Variants in SORCS1 observed in about 807,000 individuals in gnomAD.
SORCS1 encodes sortilin related VPS10 domain containing receptor 1.
SORCS1 carries 60 observed loss-of-function variants against 146.1 expected under a neutral mutation model. The observed-to-expected ratio is 0.41, with a 90% CI of 0.33 to 0.51. SORCS1 has a LOEUF of 0.51. SORCS1 is among the 20% of genes least tolerant of loss of function. The probability of loss-of-function intolerance (pLI) is 0.21; values close to 1 mark genes in which losing one functional copy is unlikely to be tolerated. For synonymous variants in SORCS1, 637 were observed against 584.0 expected, an observed-to-expected ratio of 1.09 and a Z score of -1.31; for missense variants, 1,352 against 1,487.6, an observed-to-expected ratio of 0.91 and a Z score of 1.50.
chr10:106,751,690 G>C (rs1024299447), intron 5 of SORCS1, among the ~76,000 whole-genome samples: 2 of 152,118 alleles, frequency 1.3e-5, no homozygotes, highest in Non-Finnish European at 2.9e-5. Flanking sequence ...GCATTTTCAT[G>C]CTAGAGGGAA....
At chr10:106,795,620 T>A (rs1195111512) in intron 3 of SORCS1, among the ~76,000 whole-genome samples, 1 of 152,190 alleles carries the variant, frequency 6.6e-6, no homozygotes, top group Non-Finnish European at 1.5e-5. Context: ...ATCAAATCCA[T>A]AACATTCTGA....
At chr10:106,895,468 G>A (rs377390817) in intron 2 of SORCS1, among the ~76,000 whole-genome samples, 40 of 152,152 alleles carry the variant, frequency 2.6e-4, no homozygotes, top group African/African-American at 4.8e-4. Context: ...AAAATTAGCC[G>A]GGCATGGTGG....
chr10:106,691,505 T>C (rs1240988319), intron 9 of SORCS1, among the ~76,000 whole-genome samples: 1 of 152,236 alleles, frequency 6.6e-6, no homozygotes, highest in East Asian at 1.9e-4. Flanking sequence ...AGTCAAGATA[T>C]CATTTTAATT....
intron 1 of SORCS1, among the ~76,000 whole-genome samples, chr10:107,066,372 AT>A (rs1484827383): frequency 6.6e-6 from 1 of 152,200 alleles, no homozygotes; most frequent in Non-Finnish European, 1.5e-5. Flanking sequence ...TTATCCTTCA[AT>A]TGTTTTACAA....
At chr10:107,092,489 T>C (rs1244843349) in intron 1 of SORCS1, among the ~76,000 whole-genome samples, 2 of 152,226 alleles carry the variant, frequency 1.3e-5, no homozygotes, top group African/African-American at 4.8e-5. Context: ...CAGCTAGTGC[T>C]GCTCTACTCT....
intron 9 of SORCS1, among the ~76,000 whole-genome samples, chr10:106,695,656 C>T (rs183865554): frequency 1.2e-3 from 182 of 152,256 alleles, no homozygotes; most frequent in African/African-American, 4.2e-3. Flanking sequence ...TTACACCATG[C>T]CTGGCATAAA....
At chr10:106,768,165 C>T (rs1859723104) in intron 4 of SORCS1, among the ~76,000 whole-genome samples, 2 of 152,126 alleles carry the variant, frequency 1.3e-5, no homozygotes, top group South Asian at 2.1e-4. Flanking sequence ...TGACATTTAG[C>T]GAGCTCCCTG....
chr10:106,991,671 T>C (rs1251920137), intron 1 of SORCS1, among the ~76,000 whole-genome samples: 1 of 152,142 alleles, frequency 6.6e-6, no homozygotes, highest in East Asian at 1.9e-4. Flanking sequence ...AAAAAATTAT[T>C]ACTCCTGGAG....
At chr10:106,714,223 T>C (rs1327193465) in intron 6 of SORCS1, among the ~76,000 whole-genome samples, 3 of 143,504 alleles carry the variant, frequency 2.1e-5, no homozygotes, top group African/African-American at 7.6e-5. Context: ...AAATCAAGGA[T>C]CAATGCAAAG....
At position 106,597,421 on chromosome 10, in the gene SORCS1, G is replaced by T. The variant is rs1845972106; in HGVS notation, c.3195C>A (p.Asn1065Lys). 3.7e-6 allele frequency: 6 copies of T among 1,613,922 alleles called. No homozygotes were observed. The highest frequency in any genetic ancestry group is 5.1e-6 in the Non-Finnish European group (6 of 1,179,860). The change falls in exon 24 of 26, where the codon AAC becomes AAA. Residue 1065 changes from asparagine (N) to lysine (K), a missense_variant. Physicochemically the swap from Asn to Lys is moderately conservative, Grantham distance 94 (BLOSUM62 0). This residue lies in a region of SORCS1 where 214 missense variants were observed against 204.8 expected (regional missense o/e 1.05). Coordinates refer to ENST00000263054, the MANE Select transcript of SORCS1 (RefSeq NM_052918.5). ...QISELLIHTL[N>K]QNSVHFELKP... ...TCAGCTCGAAGTGTACTGAGTTTTG[G>T]TTGAGCGTGTGGATCAGCAATTCTG...
At chr10:106,689,680 C>T (rs944282398) in intron 9 of SORCS1, among the ~76,000 whole-genome samples, 3 of 152,288 alleles carry the variant, frequency 2.0e-5, no homozygotes, top group African/African-American at 7.2e-5. Flanking sequence ...CAAACCTGCA[C>T]CTGCAGCTTT....
intron 1 of SORCS1, among the ~76,000 whole-genome samples, chr10:106,972,794 A>G (rs1416128957): frequency 1.3e-5 from 2 of 152,198 alleles, no homozygotes; most frequent in Admixed American, 6.5e-5. Flanking sequence ...GACCTTTTCA[A>G]TCTCTTACAA....
chr10:106,677,464 G>C (rs971679552), intron 12 of SORCS1, 60 bp from the exon 13 acceptor site: 4 of 1,450,128 alleles, frequency 2.8e-6, no homozygotes, highest in Admixed American at 3.4e-5. Flanking sequence ...CCAGGCTTCA[G>C]AGAATCAGTC....
chr10:106,986,832 T>C (rs539245797), intron 1 of SORCS1, among the ~76,000 whole-genome samples: 1 of 152,272 alleles, frequency 6.6e-6, no homozygotes, highest in African/African-American at 2.4e-5. Flanking sequence ...TTCATGAGAG[T>C]TGCCACTTCT....
chr10:106,948,560 G>C (rs970148395), intron 2 of SORCS1, among the ~76,000 whole-genome samples: 2 of 151,860 alleles, frequency 1.3e-5, no homozygotes, highest in Non-Finnish European at 2.9e-5. Flanking sequence ...TGTAGTACCA[G>C]TTACTTGGGA....
intron 16 of SORCS1, among the ~76,000 whole-genome samples, chr10:106,670,795 G>A (rs565270734): frequency 6.6e-6 from 1 of 151,276 alleles, no homozygotes; most frequent in South Asian, 2.1e-4. Flanking sequence ...CTGGGTTCAA[G>A]CGATTCTCCT....
intron 1 of SORCS1, among the ~76,000 whole-genome samples, chr10:107,078,852 A>G (rs1963100011): frequency 6.6e-6 from 1 of 152,210 alleles, no homozygotes; most frequent in Non-Finnish European, 1.5e-5. Flanking sequence ...AGATCCTCTG[A>G]GGTCAGCTGT....
At chr10:106,658,550 T>A (rs1038041951) in intron 17 of SORCS1, among the ~76,000 whole-genome samples, 2 of 152,144 alleles carry the variant, frequency 1.3e-5, no homozygotes, top group Non-Finnish European at 2.9e-5. Flanking sequence ...CAAGGGAAAA[T>A]ACTGCCTTGT....
At chr10:106,665,143 G>A in intron 17 of SORCS1, among the ~76,000 whole-genome samples, 1 of 151,908 alleles carries the variant, frequency 6.6e-6, no homozygotes, top group Non-Finnish European at 1.5e-5. Flanking sequence ...TTTTCTATGT[G>A]TTTTCCTTCC....
Sources: allele counts gnomAD v4.1 joint callset (sites outside exome capture counted in the v4.1 genomes callset), GRCh38; gene constraint gnomAD v4.1.1; regional missense constraint gnomAD v4.1.1; transcripts MANE v1.5; gene names NCBI Gene and HGNC (gene_info 2026-07-23, HGNC 2026-07-21).